Variants in ADAMTSL3 observed in about 807,000 individuals in gnomAD.
ADAMTSL3 encodes ADAMTS like 3.
In ADAMTSL3, 128 loss-of-function variants were observed where a neutral mutation model predicts 201.7. That is an observed-to-expected ratio of 0.63 (90% CI 0.55 to 0.73). ADAMTSL3 has a LOEUF of 0.73. Ranked by LOEUF, ADAMTSL3 falls within the 30% of genes least tolerant of loss-of-function variation. The pLI is 0.00. For synonymous variants in ADAMTSL3, 738 were observed against 748.4 expected (o/e 0.99, Z 0.23); for missense variants, 1,990 against 2,119.6 (o/e 0.94, Z 1.20).
chr15:83,929,308 G>A (rs1025224295), intron 17 of ADAMTSL3, among the ~76,000 whole-genome samples: 2 of 152,246 alleles, frequency 1.3e-5, no homozygotes, highest in Non-Finnish European at 2.9e-5. Context: ...TAAGGTGTCC[G>A]CGGCGTTGAT....
chr15:83,839,279 G>A (rs2064330879), intron 7 of ADAMTSL3, among the ~76,000 whole-genome samples: 1 of 152,144 alleles, frequency 6.6e-6, no homozygotes, highest in Non-Finnish European at 1.5e-5. Flanking sequence ...TTGCGGGAGG[G>A]GTGGAGGGTT....
chr15:83,891,342 G>T lies in ADAMTSL3; in HGVS notation c.1225G>T (p.Glu409Ter). 6.2e-7 allele frequency: 1 copy of T among 1,611,866 alleles called. No homozygotes were observed. Among genetic ancestry groups the T allele is most frequent in the Non-Finnish European group, 8.5e-7 (1 of 1,178,176 alleles). ...TTTCATTTGTAGTGATGGATTTAAA[G>T]AGATAATGCCCTATGACCACTTCCA... Reference protein sequence around the residue: ...DPCPSSDGFKEIMPYDHFQPL... With the variant: ...DPCPSSDGFK Residue 409 changes from glutamate (E) to a stop codon, truncating the protein, a stop_gained, in exon 12 of 30, where the codon GAG (glutamate) becomes TAG (stop). Transcript: ENST00000286744. LOFTEE classifies it high-confidence loss of function.
intron 2 of ADAMTSL3, among the ~76,000 whole-genome samples, chr15:83,666,136 A>G (rs540365621): frequency 2.0e-5 from 3 of 152,218 alleles, no homozygotes; most frequent in South Asian, 4.1e-4. Context: ...TCTTTTAAAC[A>G]GTGACTATAC....
chr15:83,756,063 C>T (rs1249852425), intron 3 of ADAMTSL3, among the ~76,000 whole-genome samples: 1 of 152,196 alleles, frequency 6.6e-6, no homozygotes, highest in African/African-American at 2.4e-5. Flanking sequence ...ATCTGGCCCC[C>T]TGCTTTCAAT....
Position 83,991,180 on chromosome 15 carries a change from T to C in ADAMTSL3, c.3939T>C (p.Leu1313=), listed in dbSNP as rs1426874056. ...VVVGGIVEAA[L]GANVTIRCPV... ...TTGGAGGCATCGTGGAGGCAGCCCT[T>C]GGAGCAAACGTGACAATCCGATGTC... Residue 1313 remains leucine (L), a synonymous_variant, in exon 23 of 30, where the codon CTT becomes CTC. Transcript: ENST00000286744. 2 of 1,614,098 alleles carry C rather than the reference T, an allele frequency of 1.2e-6. No homozygotes were observed. Among genetic ancestry groups the C allele is most frequent in the African/African-American group, 2.7e-5 (2 of 74,942 alleles).
In ADAMTSL3 at chr15:83,897,915, C is replaced by T. The variant is rs757636402; in HGVS notation, c.1525C>T (p.Arg509Cys). Reference sequence around the variant, plus strand: ...CCGGGTTGTTCTGTGTATTAACCACCGCGGAGAGCATGTTGGGGGCTGCAA... The same window carrying T: ...CCGGGTTGTTCTGTGTATTAACCACTGCGGAGAGCATGTTGGGGGCTGCAA... Reference protein sequence around the residue: ...RYRVVLCINHRGEHVGGCNPQ... With the variant: ...RYRVVLCINHCGEHVGGCNPQ... Residue 509 changes from arginine to cysteine, a missense_variant, in exon 14 of 30, where the codon CGC becomes TGC. Physicochemically the swap from Arg to Cys is radical, Grantham distance 180 (BLOSUM62 -3). Coordinates refer to ENST00000286744, the MANE Select transcript of ADAMTSL3 (RefSeq NM_207517.3). The T allele has an allele frequency of 7.4e-6, 12 of 1,613,694 alleles. No homozygotes were observed. Among genetic ancestry groups the T allele is most frequent in the African/African-American group, 4.0e-5 (3 of 74,894 alleles).
intron 7 of ADAMTSL3, among the ~76,000 whole-genome samples, chr15:83,850,963 T>C (rs906878570): frequency 6.6e-6 from 1 of 152,202 alleles, no homozygotes; most frequent in African/African-American, 2.4e-5. Context: ...CCCGTGCTGC[T>C]CAAAATGTGG....
intron 19 of ADAMTSL3, among the ~76,000 whole-genome samples, chr15:83,944,136 C>T (rs1385650748): frequency 1.3e-5 from 2 of 152,110 alleles, no homozygotes; most frequent in African/African-American, 2.4e-5. Flanking sequence ...CTGGAATGTT[C>T]TATTTAATAT....
At chr15:83,899,567 T>C in intron 14 of ADAMTSL3, 80 bp from the exon 15 acceptor site, 1 of 1,384,624 alleles carries the variant, frequency 7.2e-7, no homozygotes, top group Non-Finnish European at 9.9e-7. Context: ...AAATGAAATC[T>C]TCAGCCAATA....
intron 1 of ADAMTSL3, 47 bp from the exon 2 acceptor site, chr15:83,655,682 C>T: frequency 7.1e-7 from 1 of 1,406,204 alleles, no homozygotes; most frequent in Non-Finnish European, 1.0e-6. Context: ...GGTTTACTGC[C>T]ATGGGGGCCA....
intron 2 of ADAMTSL3, among the ~76,000 whole-genome samples, chr15:83,689,609 G>A (rs1021936375): frequency 3.3e-5 from 5 of 152,082 alleles, no homozygotes; most frequent in South Asian, 4.1e-4. Flanking sequence ...AATACACCAC[G>A]ATTTATTGAT....
intron 25 of ADAMTSL3, among the ~76,000 whole-genome samples, chr15:84,017,847 G>A (rs1017380589): frequency 1.3e-5 from 2 of 152,222 alleles, no homozygotes; most frequent in Admixed American, 6.5e-5. Flanking sequence ...AGTCTGAAGA[G>A]GGAGGCAGTC....
At chr15:83,769,593 T>TA (rs1439979496) in intron 3 of ADAMTSL3, among the ~76,000 whole-genome samples, 1 of 152,154 alleles carries the variant, frequency 6.6e-6, no homozygotes, top group Non-Finnish European at 1.5e-5. Context: ...ACTTGACTGT[T>TA]ACTGAAATAT....
chr15:83,868,598 C>A (rs769782526), intron 8 of ADAMTSL3, among the ~76,000 whole-genome samples: 4 of 152,174 alleles, frequency 2.6e-5, no homozygotes, highest in Non-Finnish European at 5.9e-5. Flanking sequence ...TCTGCTTACC[C>A]ATTTACACAA....
At chr15:83,856,266 C>T (rs1240812868) in intron 7 of ADAMTSL3, among the ~76,000 whole-genome samples, 9 of 150,530 alleles carry the variant, frequency 6.0e-5, no homozygotes, top group Non-Finnish European at 1.2e-4. Context: ...CTCCTGGGCT[C>T]AAGTGATCCT....
intron 7 of ADAMTSL3, among the ~76,000 whole-genome samples, chr15:83,847,801 A>G (rs1021130720): frequency 1.3e-5 from 2 of 151,414 alleles, no homozygotes; most frequent in South Asian, 4.2e-4. Context: ...TGCCTCGGTA[A>G]CTCTTTTTAG....
At chr15:83,752,423 T>G (rs2062651307) in intron 3 of ADAMTSL3, among the ~76,000 whole-genome samples, 1 of 152,206 alleles carries the variant, frequency 6.6e-6, no homozygotes, top group African/African-American at 2.4e-5. Flanking sequence ...TAATAAATGA[T>G]TAATTTAATG....
chr15:83,744,469 TA>T (rs2062510989), intron 3 of ADAMTSL3, among the ~76,000 whole-genome samples: 1 of 152,198 alleles, frequency 6.6e-6, no homozygotes, highest in Admixed American at 6.5e-5. Flanking sequence ...TTTAAAAAAT[TA>T]ATTAATTTTA....
At chr15:84,002,439 C>T (rs912585190) in intron 23 of ADAMTSL3, among the ~76,000 whole-genome samples, 1 of 152,202 alleles carries the variant, frequency 6.6e-6, no homozygotes, top group Non-Finnish European at 1.5e-5. Context: ...GAAAACTCCA[C>T]AGTCACTCAG....
Sources: gnomAD v4.1 joint callset for allele counts (sites outside exome capture counted in the v4.1 genomes callset) on GRCh38, gnomAD v4.1.1 for gene constraint, MANE v1.5 for transcripts, NCBI Gene and HGNC (gene_info 2026-07-23, HGNC 2026-07-21) for gene names.